Variants in USP24 observed in about 807,000 individuals in gnomAD.
USP24 encodes ubiquitin specific peptidase 24.
Under a neutral mutation model 361.6 loss-of-function variants are expected in USP24, and 97 were observed. That is an observed-to-expected ratio of 0.27 (90% confidence interval 0.23 to 0.32). The LOEUF (loss-of-function observed/expected upper bound fraction) is 0.32, where lower values mean the gene tolerates loss of function less well. USP24 is among the 10% of genes least tolerant of loss of function. USP24 has a pLI of 1.00. For missense variants in USP24, 2,353 were observed against 3,165.6 expected (o/e 0.74, Z 6.16); for synonymous variants, 1,098 against 1,124.6 (o/e 0.98, Z 0.47).
At chr1:55,145,791 G>A (rs1446082332) in intron 20 of USP24, among the ~76,000 whole-genome samples, 1 of 152,000 alleles carries the variant, frequency 6.6e-6, no homozygotes, top group Non-Finnish European at 1.5e-5. Context: ...GATCTAGCAG[G>A]CCATATGATT....
intron 58 of USP24, among the ~76,000 whole-genome samples, chr1:55,082,491 A>G (rs1178501733): frequency 6.6e-6 from 1 of 152,250 alleles, no homozygotes; most frequent in South Asian, 2.1e-4. Context: ...AAGCAATTTC[A>G]AACAGGAGAG....
rs17111704 is a variant in USP24, at chr1:55,166,555, A to G, written c.861+13T>C. 6.8e-3 allele frequency: 10,698 copies of G among 1,582,678 alleles called. 562 individuals are homozygous for G. The African/African-American group carries it at 0.13, about 19-fold the overall frequency. On this transcript the variant is annotated intron_variant, in intron 6 of 67. Coordinates refer to ENST00000294383, the MANE Select transcript of USP24 (RefSeq NM_015306.3). ...AAATATGCTACATGACAATATTAACAAAAGTCATATACCTTATTTACCAAA... is the reference window on the plus strand; with the variant it reads ...AAATATGCTACATGACAATATTAACGAAAGTCATATACCTTATTTACCAAA...
chr1:55,182,776 A>T (rs1257171637), intron 1 of USP24, among the ~76,000 whole-genome samples: 1 of 152,082 alleles, frequency 6.6e-6, no homozygotes, highest in Non-Finnish European at 1.5e-5. Flanking sequence ...GTGCAGTGGC[A>T]CCATCTTGGC....
intron 38 of USP24, among the ~76,000 whole-genome samples, chr1:55,120,030 T>C (rs899078291): frequency 2.0e-5 from 3 of 152,140 alleles, no homozygotes; most frequent in African/African-American, 7.2e-5. Context: ...GAAAAAGTCA[T>C]ATGAACTTGA....
intron 62 of USP24, 140 bp from the exon 63 acceptor site, chr1:55,075,663 C>A (rs1570340738): frequency 3.3e-5 from 8 of 245,734 alleles, no homozygotes; most frequent in Non-Finnish European, 5.4e-5. Flanking sequence ...ACAACAACAA[C>A]AACACCACCA....
In USP24 at chr1:55,128,495, C is replaced by T. The variant is rs567626120; in HGVS notation, c.3635+982G>A. On this transcript the variant is annotated intron_variant, in intron 32 of 67. Transcript: ENST00000294383. ...GACAGGCGATGCGTCTTCATGCTCT[C>T]ACTCACCCTTCCTTCCATTCCAGCT... 4.1e-4 allele frequency among the ~76,000 whole-genome samples: 63 copies of T among 152,238 alleles called. No homozygotes were observed. The South Asian group carries it at 4.4e-3, about 11-fold the overall frequency.
intron 55 of USP24, chr1:55,086,499 G>C (rs974837896): frequency 9.8e-5 from 16 of 164,020 alleles, no homozygotes; most frequent in Non-Finnish European, 1.7e-4. Context: ...AGCCTTAAGA[G>C]ACACAGAAAG....
At chr1:55,166,712 TG>T in intron 5 of USP24, 109 bp from the exon 6 acceptor site, 3 of 1,129,300 alleles carry the variant, frequency 2.7e-6, no homozygotes, top group Non-Finnish European at 3.8e-6. Flanking sequence ...TATAAAAGTT[TG>T]GAAACTATTT....
chr1:55,086,984 G>T, intron 55 of USP24, among the ~76,000 whole-genome samples: 1 of 152,140 alleles, frequency 6.6e-6, no homozygotes, highest in Non-Finnish European at 1.5e-5. Flanking sequence ...AGATCAATCT[G>T]TAAGCAATAT....
At chr1:55,130,379 A>T (rs1312294237) in intron 31 of USP24, among the ~76,000 whole-genome samples, 1 of 152,226 alleles carries the variant, frequency 6.6e-6, no homozygotes, top group Non-Finnish European at 1.5e-5. Flanking sequence ...CACAAGCTTT[A>T]AGGTGCTTAG....
chr1:55,147,861 T>C lies in USP24; in HGVS notation c.1969-63A>G, dbSNP rs1016249082. On this transcript the variant is annotated intron_variant, in intron 17 of 67. Coordinates refer to ENST00000294383, the MANE Select transcript of USP24 (RefSeq NM_015306.3). ...ATTTGCAGTTATTTTGCTGGTTTAA[T>C]ACAAGCTGCTATTTAAAGATGTAGT... The C allele has an allele frequency of 4.7e-5, 73 of 1,537,048 alleles. 1 individual carries two copies. The highest frequency in any genetic ancestry group is 6.0e-5 in the Non-Finnish European group (68 of 1,130,760).
intron 38 of USP24, among the ~76,000 whole-genome samples, chr1:55,115,920 G>C (rs1646101174): frequency 6.6e-6 from 1 of 152,142 alleles, no homozygotes; most frequent in Non-Finnish European, 1.5e-5. Flanking sequence ...CACAAGAACA[G>C]AAAACCAAGC....
chr1:55,176,401 C>T lies in USP24; in HGVS notation c.533G>A (p.Arg178Lys). ...SDENCRRFMDRCMPEAFKKLL... is the reference protein window; with the variant it reads ...SDENCRRFMDKCMPEAFKKLL... ...CTTTTTAAATGCTTCAGGCATACACCTGTCCATAAACCTTCTACAATTCTC... is the reference window on the plus strand; with the variant it reads ...CTTTTTAAATGCTTCAGGCATACACTTGTCCATAAACCTTCTACAATTCTC... Residue 178 changes from arginine (R) to lysine (K), a missense_variant, in exon 3 of 68, where the codon AGG becomes AAG. Coordinates refer to ENST00000294383, the MANE Select transcript of USP24 (RefSeq NM_015306.3). The T allele has an allele frequency of 6.4e-7, 1 of 1,572,928 alleles. No homozygotes were observed. Among genetic ancestry groups the T allele is most frequent in the Non-Finnish European group, 8.6e-7 (1 of 1,157,232 alleles).
chr1:55,197,664 G>A (rs1166476765), intron 1 of USP24, among the ~76,000 whole-genome samples: 1 of 152,166 alleles, frequency 6.6e-6, no homozygotes, highest in Non-Finnish European at 1.5e-5. Flanking sequence ...ACTCAATGGA[G>A]CTCTATCTAA....
At chr1:55,091,655 C>A (rs1375249922) in intron 54 of USP24, among the ~76,000 whole-genome samples, 2 of 152,178 alleles carry the variant, frequency 1.3e-5, no homozygotes, top group Non-Finnish European at 1.5e-5. Flanking sequence ...CAAGTCTTGT[C>A]TGTTACTCAG....
chr1:55,153,381 A>G (rs1189108974), intron 16 of USP24, among the ~76,000 whole-genome samples: 1 of 152,188 alleles, frequency 6.6e-6, no homozygotes, highest in Admixed American at 6.5e-5. Flanking sequence ...ACAGATACTC[A>G]CTGAATGACT....
Position 55,068,776 on chromosome 1 carries a change from G to A in USP24, c.*269C>T, listed in dbSNP as rs548090857. On this transcript the variant is annotated 3_prime_UTR_variant, in exon 68 of 68. Coordinates refer to ENST00000294383, the MANE Select transcript of USP24 (RefSeq NM_015306.3). ...AAAGTCTGCCACTGGCTCTATTTCCGAAAATCTCCACAGAAATGTGAATCC... is the reference window on the plus strand; with the variant it reads ...AAAGTCTGCCACTGGCTCTATTTCCAAAAATCTCCACAGAAATGTGAATCC... 1.9e-5 allele frequency: 8 copies of A among 423,560 alleles called. No homozygotes were observed. The highest frequency in any genetic ancestry group is 6.1e-5 in the South Asian group (1 of 16,356). 26.2% of individuals were successfully genotyped at this position (423,560 alleles called of 1,614,324 possible).
At chr1:55,087,992 T>C (rs1412678872) in intron 55 of USP24, among the ~76,000 whole-genome samples, 2 of 152,192 alleles carry the variant, frequency 1.3e-5, no homozygotes, top group Non-Finnish European at 2.9e-5. Flanking sequence ...GGCTAAAGCC[T>C]GACAAGCAGA....
rs371760793 is a variant in USP24 at position 55,079,804 on chromosome 1, ACACT to A, written c.7079-149_7079-146del. ...GAGTACTCACACACTGAGTACTCAC[ACACT>A]GAGTACTCGCAGAGTACTTGCACAC... is the stretch of plus-strand genomic sequence containing the variant. On this transcript the variant is annotated intron_variant, in intron 59 of 67. Coordinates refer to ENST00000294383, the MANE Select transcript of USP24 (RefSeq NM_015306.3). 1.2e-3 allele frequency: 1,233 copies of A among 1,047,420 alleles called. 24 individuals carry two copies. In the South Asian group the frequency reaches 0.022, roughly 19 times the overall value. The allele number at this position is 1,047,420 out of a possible 1,614,324, so 64.9% of individuals were successfully genotyped here. A position where few individuals can be genotyped will look rare whatever the true frequency, so the allele number is the denominator to read the frequency against.
Sources: gnomAD v4.1 joint callset for allele counts (sites outside exome capture counted in the v4.1 genomes callset) on GRCh38, gnomAD v4.1.1 for gene constraint, MANE v1.5 for transcripts, NCBI Gene and HGNC (gene_info 2026-07-23, HGNC 2026-07-21) for gene names.